CCDC171: variants seen among roughly 807,000 people sequenced by gnomAD.
CCDC171 encodes the protein coiled-coil domain-containing protein 171.
CCDC171 carries 177 observed loss-of-function variants against 168.2 expected under a neutral mutation model. That is an observed-to-expected ratio of 1.05 (90% confidence interval 0.93 to 1.19). The LOEUF (loss-of-function observed/expected upper bound fraction) is 1.19. Among genes scored for constraint, CCDC171 ranks in the 50% most tolerant of loss-of-function variants. CCDC171 has a pLI of 0.00. For synonymous variants in CCDC171, 687 were observed against 540.8 expected (o/e 1.27, Z -3.75); for missense variants, 1,991 against 1,539.0 (o/e 1.29, Z -4.91).
At chr9:15,997,915 A>G (rs865882464) in intron 3 of CCDC171, among the ~76,000 whole-genome samples, 1 of 152,116 alleles carries the variant, frequency 6.6e-6, no homozygotes, top group African/African-American at 2.4e-5. Flanking sequence ...CCCTCTGATG[A>G]TCAGCATCAA....
intron 6 of CCDC171, among the ~76,000 whole-genome samples, chr9:15,615,776 G>T (rs2044033990): frequency 8.0e-6 from 1 of 125,006 alleles, no homozygotes. Context: ...AATCACGTGT[G>T]ATTTTTTTTT....
At chr9:15,576,745 C>T (rs1476065850) in intron 3 of CCDC171, among the ~76,000 whole-genome samples, 2 of 152,300 alleles carry the variant, frequency 1.3e-5, no homozygotes, top group Middle Eastern at 3.4e-3. Flanking sequence ...CTCCAAGTTC[C>T]TGTGAATACC....
chr9:15,811,887 A>G (rs1011465996), intron 21 of CCDC171, among the ~76,000 whole-genome samples: 1 of 152,220 alleles, frequency 6.6e-6, no homozygotes, highest in Non-Finnish European at 1.5e-5. Context: ...GAGATCAAGC[A>G]GTTTGTGGTG....
chr9:15,778,865 G>T (rs2057495630), intron 19 of CCDC171, 103 bp from the exon 20 acceptor site: 10 of 829,404 alleles, frequency 1.2e-5, no homozygotes, highest in Non-Finnish European at 1.7e-5. Flanking sequence ...GCTAGCACTG[G>T]TTTTTGGATA....
At chr9:15,558,205 T>A (rs889280464) in intron 1 of CCDC171, among the ~76,000 whole-genome samples, 23 of 152,114 alleles carry the variant, frequency 1.5e-4, no homozygotes, top group Admixed American at 3.3e-4. Context: ...TCTCTTTTTT[T>A]GTTGTGTCTC....
chr9:15,779,261 G>A (rs12378499), intron 20 of CCDC171, 111 bp downstream of exon 20: 4 of 573,540 alleles, frequency 7.0e-6, no homozygotes, highest in African/African-American at 3.9e-5. Flanking sequence ...TAATTCAAAA[G>A]CCTATTAATA....
At chr9:15,881,710 C>T (rs1469869078) in intron 24 of CCDC171, among the ~76,000 whole-genome samples, 1 of 152,154 alleles carries the variant, frequency 6.6e-6, no homozygotes, top group Non-Finnish European at 1.5e-5. Flanking sequence ...ACATATGAGT[C>T]AGAACATGCA....
chr9:15,577,511 A>G (rs1278753488), intron 3 of CCDC171, among the ~76,000 whole-genome samples: 1 of 152,194 alleles, frequency 6.6e-6, no homozygotes, highest in African/African-American at 2.4e-5. Flanking sequence ...TCTACCTGCA[A>G]AGAGGCTTTC....
intron 18 of CCDC171, among the ~76,000 whole-genome samples, chr9:15,776,913 A>T (rs2057356854): frequency 6.6e-6 from 1 of 152,240 alleles, no homozygotes; most frequent in Non-Finnish European, 1.5e-5. Context: ...ATAGTATCAT[A>T]AGACAAGTAA....
chr9:15,755,664 G>A (rs886508249), intron 18 of CCDC171, among the ~76,000 whole-genome samples: 5 of 152,146 alleles, frequency 3.3e-5, no homozygotes, highest in African/African-American at 4.8e-5. Flanking sequence ...AATGATCCCT[G>A]AAGACATTAT....
At chr9:15,887,235 A>G (rs1588998079) in intron 24 of CCDC171, among the ~76,000 whole-genome samples, 1 of 152,314 alleles carries the variant, frequency 6.6e-6, no homozygotes, top group East Asian at 1.9e-4. Context: ...CCTTAAATAT[A>G]TACAAACTTT....
At chr9:15,741,565 A>G (rs1337629816) in intron 16 of CCDC171, among the ~76,000 whole-genome samples, 1 of 152,038 alleles carries the variant, frequency 6.6e-6, no homozygotes, top group Non-Finnish European at 1.5e-5. Flanking sequence ...CCTTTTGGCT[A>G]TTGTGAATAA....
rs561375065 is a variant in CCDC171, at chr9:15,710,552, C to T, written c.1319-11217C>T. On this transcript the variant is annotated intron_variant, in intron 11 of 25. Coordinates refer to ENST00000380701, the MANE Select transcript of CCDC171 (RefSeq NM_173550.4). ...TCCTGACCTCATGATCCGCCCGCCT[C>T]GACCTCCCAAAGTGCTGGGATTACA... Among the ~76,000 whole-genome samples, 28 of 152,106 alleles carry T rather than the reference C, an allele frequency of 1.8e-4. No individual in the cohort carries two copies. The South Asian group carries it at 5.2e-3, about 28-fold the overall frequency.
chr9:16,017,876 G>A (rs749934286), intron 3 of CCDC171, among the ~76,000 whole-genome samples: 5 of 152,128 alleles, frequency 3.3e-5, no homozygotes, highest in African/African-American at 1.2e-4. Context: ...CGCAGCACTG[G>A]GTCACAGAGA....
chr9:15,570,609 G>A (rs2040149075), intron 2 of CCDC171, among the ~76,000 whole-genome samples: 1 of 152,048 alleles, frequency 6.6e-6, no homozygotes, highest in South Asian at 2.1e-4. Flanking sequence ...TGCTCTGTAG[G>A]GTTATATGGT....
chr9:15,694,962 C>G (rs144274016), intron 10 of CCDC171, among the ~76,000 whole-genome samples: 1 of 152,176 alleles, frequency 6.6e-6, no homozygotes, highest in African/African-American at 2.4e-5. Context: ...GCCTTTCCAT[C>G]ATAGGGTTAT....
chr9:15,681,075 G>C (rs935376682), intron 10 of CCDC171, among the ~76,000 whole-genome samples: 21 of 151,970 alleles, frequency 1.4e-4, no homozygotes, highest in Non-Finnish European at 2.4e-4. Flanking sequence ...AACATTTACA[G>C]AGTGATATAT....
chr9:15,913,107 G>A (rs1823955274), intron 24 of CCDC171, among the ~76,000 whole-genome samples: 1 of 152,224 alleles, frequency 6.6e-6, no homozygotes, highest in Non-Finnish European at 1.5e-5. Context: ...AGTTTCAGAA[G>A]GAATGGTCCA....
chr9:16,107,394 G>T, the CCDC171 span, among the ~76,000 whole-genome samples: 1 of 152,138 alleles, frequency 6.6e-6, no homozygotes, highest in African/African-American at 2.4e-5. Context: ...TATGTAAAAA[G>T]TAAGGTTTCT....
Sources: allele counts gnomAD v4.1 joint callset (sites outside exome capture counted in the v4.1 genomes callset), GRCh38; gene constraint gnomAD v4.1.1; transcripts MANE v1.5; gene names NCBI Gene and HGNC (gene_info 2026-07-23, HGNC 2026-07-21).